GABPA: variants seen among roughly 807,000 people sequenced by gnomAD.
GABPA encodes the protein GA-binding protein alpha chain.
GABPA carries 4 observed loss-of-function variants against 59.4 expected under a neutral mutation model. The ratio of observed to expected loss-of-function variants is 0.07; its 90% CI spans 0.03 to 0.15. The LOEUF (loss-of-function observed/expected upper bound fraction) is 0.15. GABPA is among the 10% of genes least tolerant of loss of function. The pLI is 1.00. For synonymous variants in GABPA, 164 were observed against 183.1 expected (o/e 0.90, Z 0.84); for missense variants, 251 against 543.8 (o/e 0.46, Z 5.36).
intron 9 of GABPA, among the ~76,000 whole-genome samples, chr21:25,766,950 G>T (rs932100464): frequency 6.6e-6 from 1 of 151,892 alleles, no homozygotes; most frequent in South Asian, 2.1e-4. Flanking sequence ...TGAAAACTAA[G>T]CTCCTGCTAC....
intron 5 of GABPA, among the ~76,000 whole-genome samples, chr21:25,755,028 G>A (rs2035599936): frequency 6.6e-6 from 1 of 152,110 alleles, no homozygotes; most frequent in Non-Finnish European, 1.5e-5. Context: ...TCCAGCCTGG[G>A]CAACAAAGTG....
Position 25,741,580 on chromosome 21 carries a change from C to G in GABPA, c.-19C>G. ...AAAAAGTCACTCTTGCAGGACTGAT[C>G]CTTTGAAATACTCCAGCCATGACTA... is the stretch of plus-strand genomic sequence containing the variant. On this transcript the variant is annotated 5_prime_UTR_variant, in exon 2 of 10. The change creates a new upstream start codon in the 5' untranslated region. Coordinates refer to ENST00000400075, the MANE Select transcript of GABPA (RefSeq NM_002040.4). The G allele has an allele frequency of 6.4e-7, 1 of 1,562,930 alleles. No homozygotes were observed. Among genetic ancestry groups the G allele is most frequent in the Non-Finnish European group, 8.8e-7 (1 of 1,141,268 alleles).
At chr21:25,756,190 A>G (rs2035632368) in intron 5 of GABPA, among the ~76,000 whole-genome samples, 1 of 129,064 alleles carries the variant, frequency 7.7e-6, no homozygotes, top group South Asian at 2.3e-4. Flanking sequence ...TTTTTCCCTG[A>G]GTTTTTTTTA....
intron 5 of GABPA, among the ~76,000 whole-genome samples, chr21:25,755,553 T>C (rs777686001): frequency 3.3e-5 from 5 of 151,858 alleles, no homozygotes; most frequent in Non-Finnish European, 7.4e-5. Flanking sequence ...GGTAGGTGTG[T>C]ATGTGAATAC....
chr21:25,754,056 A>C (rs1164070957), intron 5 of GABPA, among the ~76,000 whole-genome samples: 1 of 152,216 alleles, frequency 6.6e-6, no homozygotes, highest in Non-Finnish European at 1.5e-5. Flanking sequence ...TACTGTAGCC[A>C]CTAATCACAC....
intron 2 of GABPA, 148 bp downstream of exon 2, chr21:25,741,823 T>C: frequency 1.8e-6 from 1 of 545,746 alleles, no homozygotes; most frequent in South Asian, 2.9e-5. Context: ...TCCTCTGACT[T>C]AATGTGGTTG....
chr21:25,764,318 G>T lies in GABPA; in HGVS notation c.911G>T (p.Gly304Val). The T allele has an allele frequency of 6.2e-7, 1 of 1,612,112 alleles. No homozygotes were observed. The highest frequency in any genetic ancestry group is 8.5e-7 in the Non-Finnish European group (1 of 1,178,926). ...GTACAAAGAGCGCCGAGGATTTCAG[G>T]AGAAGATAGAAGCTCACCTGGGAAC... ...AKVQRAPRIS[G>V]EDRSSPGNRT... Residue 304 changes from glycine to valine, a missense_variant, in exon 8 of 10, where the codon GGA becomes GTA. Transcript: ENST00000400075.
At chr21:25,737,294 G>C (rs2035099908) in intron 1 of GABPA, among the ~76,000 whole-genome samples, 1 of 152,222 alleles carries the variant, frequency 6.6e-6, no homozygotes, top group Admixed American at 6.5e-5. Context: ...ATAGAAGCCT[G>C]AGGAATTGGT....
At chr21:25,762,053 AGT>A (rs2035777099) in intron 6 of GABPA, among the ~76,000 whole-genome samples, 1 of 152,198 alleles carries the variant, frequency 6.6e-6, no homozygotes, top group South Asian at 2.1e-4. Flanking sequence ...AGAAAACCAT[AGT>A]TCTCTGCAGA....
At chr21:25,748,328 A>G (rs1040576146) in intron 3 of GABPA, among the ~76,000 whole-genome samples, 1 of 152,246 alleles carries the variant, frequency 6.6e-6, no homozygotes, top group Non-Finnish European at 1.5e-5. Context: ...GCTTTATGAC[A>G]TGCAGACACA....
rs1378774679 is a variant in GABPA, at chr21:25,770,604, ACCTTCT to A, written c.*1378_*1383del. ...AAAGTTGATTCTCAAATATTTATGC[ACCTTCT>A]CCTTCATTGTTTTCTTTAAATCTGT... On this transcript the variant is annotated 3_prime_UTR_variant, in exon 10 of 10. Transcript: ENST00000400075. 2 of 152,108 alleles carry A rather than the reference ACCTTCT, an allele frequency of 1.3e-5. No individual in the cohort carries two copies. Among genetic ancestry groups the A allele is most frequent in the African/African-American group, 4.8e-5 (2 of 41,446 alleles). 9.4% of individuals were successfully genotyped at this position (152,108 alleles called of 1,614,324 possible). A position where few individuals can be genotyped will look rare whatever the true frequency, so the allele number is the denominator to read the frequency against.
At chr21:25,735,997 C>T (rs985541299) in intron 1 of GABPA, among the ~76,000 whole-genome samples, 5 of 152,154 alleles carry the variant, frequency 3.3e-5, no homozygotes, top group African/African-American at 1.2e-4. Context: ...TCGCGGGACT[C>T]AGCGATTCAC....
chr21:25,747,739 C>A (rs71649683), intron 3 of GABPA, among the ~76,000 whole-genome samples: 23 of 152,098 alleles, frequency 1.5e-4, no homozygotes, highest in African/African-American at 5.1e-4. Context: ...ATGTTCAGTA[C>A]CTGAGAGCTT....
chr21:25,767,684 A>G (rs2035925344), intron 9 of GABPA, among the ~76,000 whole-genome samples: 1 of 152,112 alleles, frequency 6.6e-6, no homozygotes, highest in Admixed American at 6.6e-5. Context: ...AGCAATTGAT[A>G]TGCCTATAGC....
chr21:25,761,963 A>G (rs1477820835), intron 6 of GABPA, among the ~76,000 whole-genome samples: 1 of 152,140 alleles, frequency 6.6e-6, no homozygotes, highest in Non-Finnish European at 1.5e-5. Flanking sequence ...TTTGGTGTAT[A>G]TTTTATCTTT....
At chr21:25,741,531 A>T (rs2035221384) in intron 1 of GABPA, 42 bp from the exon 2 acceptor site, 2 of 1,087,752 alleles carry the variant, frequency 1.8e-6, no homozygotes, top group Non-Finnish European at 2.7e-6. Context: ...CATTTCGTTT[A>T]TGTGGATAGT....
chr21:25,752,302 G>A (rs1445621581), intron 5 of GABPA, 68 bp downstream of exon 5: 3 of 1,452,224 alleles, frequency 2.1e-6, no homozygotes, highest in Non-Finnish European at 2.8e-6. Flanking sequence ...AAGACACTAG[G>A]GTAAGTTATA....
chr21:25,746,204 G>A (rs1382025959), intron 3 of GABPA, among the ~76,000 whole-genome samples: 2 of 151,890 alleles, frequency 1.3e-5, no homozygotes, highest in African/African-American at 4.8e-5. Flanking sequence ...TAGTAGACAC[G>A]GGGTTTTGCT....
intron 9 of GABPA, among the ~76,000 whole-genome samples, chr21:25,768,026 G>A (rs1157705292): frequency 6.6e-6 from 1 of 151,988 alleles, no homozygotes; most frequent in Non-Finnish European, 1.5e-5. Flanking sequence ...TTTAAAATAA[G>A]GGCTTTGCAA....
Sources: allele counts gnomAD v4.1 joint callset (sites outside exome capture counted in the v4.1 genomes callset), GRCh38; gene constraint gnomAD v4.1.1; transcripts MANE v1.5; gene names NCBI Gene and HGNC (gene_info 2026-07-23, HGNC 2026-07-21).